AGAP1: variants seen among roughly 807,000 people sequenced by gnomAD.
The protein encoded by AGAP1 is arf-GAP with GTPase, ANK repeat and PH domain-containing protein 1.
Under a neutral mutation model 105.3 loss-of-function variants are expected in AGAP1, and 29 were observed. The observed-to-expected ratio is 0.28, with a 90% confidence interval of 0.21 to 0.38. The LOEUF (loss-of-function observed/expected upper bound fraction) is 0.38. Among genes scored for constraint, AGAP1 ranks in the 10% least tolerant of loss-of-function variants. AGAP1 has a pLI of 1.00. For synonymous variants in AGAP1, 509 were observed against 485.9 expected, an observed-to-expected ratio of 1.05 and a Z score of -0.63; for missense variants, 998 against 1,165.1, an observed-to-expected ratio of 0.86 and a Z score of 2.09.
In AGAP1 at chr2:236,062,877, G is replaced by C. The variant is rs2125764299; in HGVS notation, c.2114+13596G>C. On this transcript the variant is annotated intron_variant, in intron 16 of 17. Transcript: ENST00000304032. This position sits in a 1 kb window ranked among gnomAD's most constrained non-coding sequence, Gnocchi z 4.2. The stretch of plus-strand genomic sequence containing the variant: ...GGGTTTCACCATCTTGGCCAGGCTG[G>C]TCTTGAACTCCTGACCTCATGATCC... Among the ~76,000 whole-genome samples the C allele has an allele frequency of 6.6e-6, 1 of 152,212 alleles. No individual in the cohort carries two copies. Among genetic ancestry groups the C allele is most frequent in the South Asian group, 2.1e-4 (1 of 4,822 alleles).
Position 236,080,927 on chromosome 2 carries a change from C to T in AGAP1, c.2114+31646C>T, listed in dbSNP as rs1448680762. Among the ~76,000 whole-genome samples, 3 of 152,226 alleles carry T rather than the reference C, an allele frequency of 2.0e-5. No individual in the cohort carries two copies. The highest frequency in any genetic ancestry group is 6.5e-5 in the Admixed American group (1 of 15,280). ...CCTGGATAATCCAAGATACTCTCCCCTCTCAAGGGCCTTGTCTTAACCGTA... is the reference window on the plus strand; with the variant it reads ...CCTGGATAATCCAAGATACTCTCCCTTCTCAAGGGCCTTGTCTTAACCGTA... On this transcript the variant is annotated intron_variant, in intron 16 of 17. Coordinates refer to ENST00000304032, the MANE Select transcript of AGAP1 (RefSeq NM_001037131.3). This position sits in a 1 kb window ranked among gnomAD's most constrained non-coding sequence, Gnocchi z 4.2.
At chr2:235,704,903 T>C (rs1950448742) in intron 1 of AGAP1, among the ~76,000 whole-genome samples, 1 of 150,710 alleles carries the variant, frequency 6.6e-6, no homozygotes, top group Non-Finnish European at 1.5e-5. Context: ...GCCCGGCACC[T>C]GTCTAGTTCT....
chr2:235,507,836 A>G (rs761474106), intron 1 of AGAP1, among the ~76,000 whole-genome samples: 4 of 152,144 alleles, frequency 2.6e-5, no homozygotes, highest in Non-Finnish European at 4.4e-5. Context: ...TTTCAGGGGT[A>G]CACATGCAGG....
rs115867730 is a variant in AGAP1, at chr2:235,506,608, T to G, written c.163+11759T>G. On this transcript the variant is annotated intron_variant, in intron 1 of 17. Coordinates refer to ENST00000304032, the MANE Select transcript of AGAP1 (RefSeq NM_001037131.3). Reference sequence around the variant, plus strand: ...AAATTCAGAATTTTACATAGAAACTTGAATTTATTTGTCCAAGAGTTTCTT... The same window carrying G: ...AAATTCAGAATTTTACATAGAAACTGGAATTTATTTGTCCAAGAGTTTCTT... 8.6e-3 allele frequency among the ~76,000 whole-genome samples: 1,314 copies of G among 152,252 alleles called. 15 individuals carry two copies. Among genetic ancestry groups the G allele is most frequent in the African/African-American group, 0.029 (1,220 of 41,550 alleles).
intron 16 of AGAP1, among the ~76,000 whole-genome samples, chr2:236,091,234 C>T (rs1576282970): frequency 1.3e-5 from 2 of 152,182 alleles, no homozygotes; most frequent in South Asian, 2.1e-4. Flanking sequence ...GGGGTGAAGA[C>T]GGAGGTCGCT....
intron 9 of AGAP1, among the ~76,000 whole-genome samples, chr2:235,837,599 G>T (rs980444779): frequency 2.2e-4 from 34 of 152,218 alleles, no homozygotes; most frequent in Admixed American, 7.2e-4. Flanking sequence ...TCTTCCCCAG[G>T]GTTGTTGGTG....
In AGAP1 at chr2:235,620,805, T is replaced by G. The variant is rs1165679822; in HGVS notation, c.164-88374T>G. Among the ~76,000 whole-genome samples, 1 of 152,212 alleles carries G rather than the reference T, an allele frequency of 6.6e-6. No individual in the cohort carries two copies. The highest frequency in any genetic ancestry group is 1.5e-5 in the Non-Finnish European group (1 of 68,048). ...TTCGTTAGGCATGCAGGTGAACAAG[T>G]GAATGAGTGATCCTGAGTTTGCTCT... On this transcript the variant is annotated intron_variant, in intron 1 of 17. Transcript: ENST00000304032. The surrounding 1 kb of genome is among the most constrained non-coding windows in gnomAD (Gnocchi z 4.5).
Position 235,557,835 on chromosome 2 carries a change from A to G in AGAP1, c.163+62986A>G, listed in dbSNP as rs1044176813. On this transcript the variant is annotated intron_variant, in intron 1 of 17. Transcript: ENST00000304032. This position sits in a 1 kb window ranked among gnomAD's most constrained non-coding sequence, Gnocchi z 4.7. ...ACATTTCGACAAGGGGAAGTTAGAC[A>G]CTTTAGATTCACAGTTAACTGTTGA... Among the ~76,000 whole-genome samples, 28 of 152,326 alleles carry G rather than the reference A, an allele frequency of 1.8e-4. No individual in the cohort carries two copies. The highest frequency in any genetic ancestry group is 1.6e-3 in the Admixed American group (25 of 15,308).
intron 1 of AGAP1, among the ~76,000 whole-genome samples, chr2:235,603,443 C>T (rs1945807037): frequency 6.6e-6 from 1 of 152,158 alleles, no homozygotes; most frequent in African/African-American, 2.4e-5. Context: ...TCCCAGAGTG[C>T]ACAGATATGT....
chr2:235,713,211 C>A (rs947793813), intron 2 of AGAP1, among the ~76,000 whole-genome samples: 8 of 152,174 alleles, frequency 5.3e-5, no homozygotes, highest in African/African-American at 1.7e-4. Context: ...AAATTTAATT[C>A]TGTGGCATAC....
intron 16 of AGAP1, among the ~76,000 whole-genome samples, chr2:236,068,227 C>T (rs748612769): frequency 2.6e-5 from 4 of 151,950 alleles, no homozygotes; most frequent in Non-Finnish European, 5.9e-5. Flanking sequence ...GCCAAGATCA[C>T]GCCACTACAC....
intron 1 of AGAP1, among the ~76,000 whole-genome samples, chr2:235,510,666 G>A (rs1429730837): frequency 6.6e-6 from 1 of 152,186 alleles, no homozygotes; most frequent in East Asian, 1.9e-4. Context: ...CCGGCAGTGT[G>A]AGAGTGTCCA....
chr2:236,017,195 A>G (rs1054287298), intron 13 of AGAP1, among the ~76,000 whole-genome samples: 21 of 151,596 alleles, frequency 1.4e-4, no homozygotes, highest in African/African-American at 4.9e-4. Context: ...CAGGAGGCTG[A>G]GGCAGGAGAA....
Position 235,582,202 on chromosome 2 carries a change from G to T in AGAP1, c.163+87353G>T, listed in dbSNP as rs958187804. On this transcript the variant is annotated intron_variant, in intron 1 of 17. Coordinates refer to ENST00000304032, the MANE Select transcript of AGAP1 (RefSeq NM_001037131.3). The surrounding 1 kb of genome is among the most constrained non-coding windows in gnomAD (Gnocchi z 4.7). The stretch of plus-strand genomic sequence containing the variant: ...GATGTGAGCCCTGGAGCGCATGATT[G>T]TGGTTTTGACCCATTCTTGCCCCAG... Among the ~76,000 whole-genome samples the T allele has an allele frequency of 3.3e-5, 5 of 152,188 alleles. No homozygotes were observed. The highest frequency in any genetic ancestry group is 6.5e-5 in the Admixed American group (1 of 15,278).
chr2:235,811,552 G>C (rs1343220242), intron 9 of AGAP1, among the ~76,000 whole-genome samples: 2 of 152,144 alleles, frequency 1.3e-5, no homozygotes, highest in African/African-American at 2.4e-5. Context: ...TCCTTTTTCA[G>C]ACAGGCCAAC....
chr2:236,075,094 A>C (rs1188121446), intron 16 of AGAP1, among the ~76,000 whole-genome samples: 1 of 152,122 alleles, frequency 6.6e-6, no homozygotes, highest in African/African-American at 2.4e-5. Context: ...TAAGTGATTG[A>C]TTCGGTTTAC....
At chr2:235,715,532 G>A (rs1951060903) in intron 2 of AGAP1, among the ~76,000 whole-genome samples, 1 of 152,150 alleles carries the variant, frequency 6.6e-6, no homozygotes, top group Non-Finnish European at 1.5e-5. Flanking sequence ...GGACCTGCTG[G>A]GCCTGTTAGC....
At chr2:235,745,001 T>A (rs1469937196) in intron 5 of AGAP1, among the ~76,000 whole-genome samples, 162 bp downstream of exon 5, 5 of 152,100 alleles carry the variant, frequency 3.3e-5, no homozygotes, top group Admixed American at 2.6e-4. Context: ...ATTTCCTGAT[T>A]TGATTCTATG....
chr2:235,711,810 C>T (rs966384611), intron 2 of AGAP1, among the ~76,000 whole-genome samples: 1 of 152,162 alleles, frequency 6.6e-6, no homozygotes, highest in Non-Finnish European at 1.5e-5. Context: ...TCCCTCCTAG[C>T]GCAGCCCCCC....
Sources: allele counts gnomAD v4.1 joint callset (sites outside exome capture counted in the v4.1 genomes callset), GRCh38; gene constraint gnomAD v4.1.1; non-coding constraint Gnocchi (gnomAD v3.1); transcripts MANE v1.5; gene names NCBI Gene and HGNC (gene_info 2026-07-23, HGNC 2026-07-21).